Variants in FRMD4A observed in about 807,000 individuals in gnomAD.
FRMD4A encodes FERM domain-containing protein 4A.
In FRMD4A, 29 loss-of-function variants were observed where a neutral mutation model predicts 129.1. The observed-to-expected ratio is 0.22, with a 90% CI of 0.17 to 0.31. FRMD4A has a LOEUF of 0.31. FRMD4A is among the 10% of genes least tolerant of loss of function. The pLI, the probability that FRMD4A is intolerant of heterozygous loss-of-function variation, is 1.00. For missense variants in FRMD4A, 1,272 were observed against 1,375.8 expected (o/e 0.92, Z 1.19); for synonymous variants, 634 against 571.6 (o/e 1.11, Z -1.56).
rs115022059 is a variant in FRMD4A at position 13,970,562 on chromosome 10, A to G, written c.46-111650T>C. ...TACAAGTATTGTCATGAGCCAGCTT[A>G]CAGAGGGAGGGCCAAAACCACTCAA... On this transcript the variant is annotated intron_variant, in intron 2 of 24. Transcript: ENST00000357447. 6.1e-3 allele frequency among the ~76,000 whole-genome samples: 923 copies of G among 152,328 alleles called. 17 individuals carry two copies. The highest frequency in any genetic ancestry group is 0.02 in the African/African-American group (852 of 41,576).
chr10:13,824,642 C>T lies in FRMD4A; in HGVS notation c.112-13734G>A, dbSNP rs145962443. 9.9e-4 allele frequency among the ~76,000 whole-genome samples: 151 copies of T among 152,188 alleles called. 2 individuals carry two copies. Among genetic ancestry groups the T allele is most frequent in the African/African-American group, 3.4e-3 (142 of 41,548 alleles). ...GTACGGTGGCTCACACCTGTAATCC[C>T]AGCCCTTTGGGAGGCTGAGGTGTGT... is the stretch of plus-strand genomic sequence containing the variant. On this transcript the variant is annotated intron_variant, in intron 3 of 24. Coordinates refer to ENST00000357447, the MANE Select transcript of FRMD4A (RefSeq NM_018027.5).
chr10:13,852,964 T>C lies in FRMD4A; in HGVS notation c.111+5883A>G, dbSNP rs549767902. ...ATCTAACTGTTATCTTTAATTCCCT[T>C]AGAAAACACAGACTAGTCACAGTTT... On this transcript the variant is annotated intron_variant, in intron 3 of 24. Transcript: ENST00000357447. Among the ~76,000 whole-genome samples, 85 of 152,264 alleles carry C rather than the reference T, an allele frequency of 5.6e-4. 1 individual carries two copies. The highest frequency in any genetic ancestry group is 1.9e-3 in the African/African-American group (77 of 41,546).
intron 2 of FRMD4A, among the ~76,000 whole-genome samples, chr10:14,236,644 C>T (rs1589212872): frequency 6.6e-6 from 1 of 152,164 alleles, no homozygotes; most frequent in East Asian, 1.9e-4. Flanking sequence ...GCCCCACTGC[C>T]TGAGGGCAAG....
chr10:14,324,653 A>G (rs879646686), intron 2 of FRMD4A, among the ~76,000 whole-genome samples: 1 of 68,668 alleles, frequency 1.5e-5, no homozygotes, highest in African/African-American at 6.6e-5. Flanking sequence ...TCTTAATGCT[A>G]TTTATTTATT....
Position 13,864,338 on chromosome 10 carries a change from C to CAA in FRMD4A, c.46-5428_46-5427dup, listed in dbSNP as rs149602938. Among the ~76,000 whole-genome samples the CAA allele has an allele frequency of 7.3e-3, 838 of 114,658 alleles. 12 individuals are homozygous for CAA. Among genetic ancestry groups the CAA allele is most frequent in the Middle Eastern group, 0.028 (6 of 214 alleles). The allele number at this position is 114,658 out of a possible 152,430, so 75.2% of individuals were successfully genotyped here. Reference sequence around the variant, plus strand: ...TAAAGACAGTGCAAACATCTTGAGTCAAAAAAAAAAAAAAAAGAAAAAAAG... The same window carrying CAA: ...TAAAGACAGTGCAAACATCTTGAGTCAAAAAAAAAAAAAAAAAAGAAAAAAAG... On this transcript the variant is annotated intron_variant, in intron 2 of 24. Coordinates refer to ENST00000357447, the MANE Select transcript of FRMD4A (RefSeq NM_018027.5).
At chr10:14,031,754 T>G (rs1020857) in intron 2 of FRMD4A, among the ~76,000 whole-genome samples, 20,009 of 147,784 alleles carry the variant, frequency 0.14, 1,655 homozygotes, top group African/African-American at 0.26. Flanking sequence ...TTCTGCACTT[T>G]GGACAACTTT....
chr10:13,739,609 G>C lies in FRMD4A; in HGVS notation c.672+585C>G, dbSNP rs543334793. Among the ~76,000 whole-genome samples, 7 of 152,328 alleles carry C rather than the reference G, an allele frequency of 4.6e-5. No individual in the cohort carries two copies. In the East Asian group the frequency reaches 1.3e-3, roughly 29 times the overall value. Reference sequence around the variant, plus strand: ...CTGAAATAAAGAGCACAGTTTTGAAGTTTTCTTGGAAGGCAGAAAGCATAT... The same window carrying C: ...CTGAAATAAAGAGCACAGTTTTGAACTTTTCTTGGAAGGCAGAAAGCATAT... On this transcript the variant is annotated intron_variant, in intron 11 of 24. Transcript: ENST00000357447.
chr10:13,657,585 G>T, intron 21 of FRMD4A, 63 bp from the exon 22 acceptor site: 5 of 1,462,746 alleles, frequency 3.4e-6, no homozygotes, highest in Non-Finnish European at 4.5e-6. Flanking sequence ...GGGTGCTCCG[G>T]GGAGGAGGGG....
At chr10:13,767,910 T>C (rs141876984) in intron 6 of FRMD4A, among the ~76,000 whole-genome samples, 1 of 152,188 alleles carries the variant, frequency 6.6e-6, no homozygotes, top group African/African-American at 2.4e-5. Flanking sequence ...TTTGAGACTC[T>C]AGAGAAGCCC....
At chr10:14,097,984 T>A (rs1047208042) in intron 2 of FRMD4A, among the ~76,000 whole-genome samples, 3 of 142,216 alleles carry the variant, frequency 2.1e-5, no homozygotes, top group Non-Finnish European at 4.6e-5. Context: ...AATTATATAT[T>A]ATATAAATTA....
intron 2 of FRMD4A, among the ~76,000 whole-genome samples, chr10:14,236,995 C>CAAAAAAAAAAAAAAAAA (rs71477244): frequency 1.3e-5 from 1 of 75,394 alleles, no homozygotes; most frequent in African/African-American, 4.7e-5. Context: ...AACAGGTCAG[C>CAAAAAAAAAAAAAAAAA]AAAAAAAAAA....
chr10:13,867,666 A>T (rs7894100), intron 2 of FRMD4A, among the ~76,000 whole-genome samples: 2 of 131,384 alleles, frequency 1.5e-5, no homozygotes, highest in African/African-American at 2.9e-5. Context: ...TATAATATAT[A>T]ATATAATATA....
At chr10:14,095,930 G>C (rs1289984135) in intron 2 of FRMD4A, among the ~76,000 whole-genome samples, 3 of 152,160 alleles carry the variant, frequency 2.0e-5, no homozygotes, top group Admixed American at 6.5e-5. Flanking sequence ...GACATAAGGA[G>C]CGCAAGTGGA....
rs150632919 is a variant in FRMD4A at position 13,864,472 on chromosome 10, C to G, written c.46-5560G>C. Among the ~76,000 whole-genome samples, 589 of 152,026 alleles carry G rather than the reference C, an allele frequency of 3.9e-3. 5 individuals are homozygous for G. The highest frequency in any genetic ancestry group is 0.013 in the African/African-American group (559 of 41,500). Reference sequence around the variant, plus strand: ...CTATCACCCTTTTCTCAACATACCACCTTTCTTTCCTCTGTGTCTTTTTGG... The same window carrying G: ...CTATCACCCTTTTCTCAACATACCAGCTTTCTTTCCTCTGTGTCTTTTTGG... On this transcript the variant is annotated intron_variant, in intron 2 of 24. Coordinates refer to ENST00000357447, the MANE Select transcript of FRMD4A (RefSeq NM_018027.5).
chr10:14,099,665 T>C (rs975266619), intron 2 of FRMD4A, among the ~76,000 whole-genome samples: 5 of 152,272 alleles, frequency 3.3e-5, no homozygotes, highest in Admixed American at 2.0e-4. Context: ...ATCCATGTTG[T>C]GCAAGGGTCA....
chr10:13,840,348 G>A (rs1041485144), intron 3 of FRMD4A, among the ~76,000 whole-genome samples: 1 of 152,168 alleles, frequency 6.6e-6, no homozygotes, highest in African/African-American at 2.4e-5. Context: ...CAAGGAGAGA[G>A]GCCTCAGGAG....
intron 2 of FRMD4A, among the ~76,000 whole-genome samples, chr10:14,225,134 G>T (rs1843393515): frequency 6.6e-6 from 1 of 152,158 alleles, no homozygotes; most frequent in Non-Finnish European, 1.5e-5. Context: ...GTGGCGGTAA[G>T]TTAATAATAT....
chr10:13,959,499 A>G (rs1388053702), intron 2 of FRMD4A, among the ~76,000 whole-genome samples: 1 of 34,810 alleles, frequency 2.9e-5, no homozygotes, highest in Non-Finnish European at 4.2e-5. Flanking sequence ...AAAAAAAAAA[A>G]GCTGTGAGTG....
intron 2 of FRMD4A, among the ~76,000 whole-genome samples, chr10:14,049,957 G>A (rs916710800): frequency 2.6e-5 from 4 of 152,188 alleles, no homozygotes; most frequent in African/African-American, 9.7e-5. Context: ...CTTCCGTCTA[G>A]TTCATATTCT....
Sources: allele counts gnomAD v4.1 joint callset (sites outside exome capture counted in the v4.1 genomes callset), GRCh38; gene constraint gnomAD v4.1.1; transcripts MANE v1.5; gene names NCBI Gene and HGNC (gene_info 2026-07-23, HGNC 2026-07-21).